MTUS1: variants seen among roughly 807,000 people sequenced by gnomAD.
The protein encoded by MTUS1 is microtubule associated scaffold protein 1, also known as microtubule-associated tumor suppressor 1.
MTUS1 carries 109 observed loss-of-function variants against 120.8 expected under a neutral mutation model. The observed-to-expected ratio is 0.90, with a 90% CI of 0.77 to 1.06. The LOEUF (loss-of-function observed/expected upper bound fraction) is 1.06, where lower values mean the gene tolerates loss of function less well. Among genes scored for constraint, MTUS1 ranks in the 50% least tolerant of loss-of-function variants. The probability of loss-of-function intolerance (pLI) is 0.00; values close to 1 mark genes in which losing one functional copy is unlikely to be tolerated. For missense variants in MTUS1, 2,210 were observed against 1,486.3 expected (o/e 1.49, Z -8.01); for synonymous variants, 737 against 550.5 (o/e 1.34, Z -4.74).
At position 17,676,097 on chromosome 8, in the gene MTUS1, AG is replaced by A. The variant is rs142980809; in HGVS notation, c.2839-846del. ...AAGCTCGCTGAAAAATGCCCTCACG[AG>A]GATCACCCAAGACGGAGCTCCCACC... On this transcript the variant is annotated intron_variant, in intron 7 of 14. Coordinates refer to ENST00000693296, the MANE Select transcript of MTUS1 (RefSeq NM_001363059.2). The A allele has an allele frequency of 7.4e-3, 4,330 of 582,424 alleles. 142 individuals are homozygous for A. Among genetic ancestry groups the A allele is most frequent in the African/African-American group, 0.07 (3,739 of 53,596 alleles). 36.1% of individuals were successfully genotyped at this position (582,424 alleles called of 1,614,324 possible).
At chr8:17,669,775 G>A (rs2130570239) in intron 8 of MTUS1, among the ~76,000 whole-genome samples, 1 of 152,268 alleles carries the variant, frequency 6.6e-6, no homozygotes, top group Middle Eastern at 3.4e-3. Context: ...AATCCAGGAG[G>A]TGGAGGTTGC....
intron 5 of MTUS1, 113 bp downstream of exon 5, chr8:17,715,654 T>C (rs1739659361): frequency 2.7e-6 from 3 of 1,094,510 alleles, no homozygotes; most frequent in East Asian, 2.5e-5. Context: ...TCTCAACATA[T>C]TTGTAATCAT....
At position 17,795,038 on chromosome 8, in the gene MTUS1, A is replaced by G. The variant is rs540780372; in HGVS notation, c.-155+6023T>C. On this transcript the variant is annotated intron_variant, in intron 1 of 14. Transcript: ENST00000693296. ...GAACACTGCTGAATACCTCCTATGA[A>G]CTGCTTATCTGAAATAAGGTGAAGA... 2.5e-4 allele frequency among the ~76,000 whole-genome samples: 38 copies of G among 152,346 alleles called. No individual in the cohort carries two copies. The South Asian group carries it at 7.3e-3, about 29-fold the overall frequency.
intron 12 of MTUS1, among the ~76,000 whole-genome samples, chr8:17,652,324 A>C (rs1807181324): frequency 6.6e-6 from 1 of 152,264 alleles, no homozygotes; most frequent in Non-Finnish European, 1.5e-5. Context: ...GAAATGAAAT[A>C]CTAACATAGG....
intron 3 of MTUS1, among the ~76,000 whole-genome samples, chr8:17,726,725 C>G (rs2046252848): frequency 6.6e-6 from 1 of 152,146 alleles, no homozygotes; most frequent in South Asian, 2.1e-4. Context: ...ACCAGTTTTA[C>G]TTGCTTTAGG....
In MTUS1 at chr8:17,754,959, T is replaced by G. The variant is rs751433659; in HGVS notation, c.849A>C (p.Leu283=). The change falls in exon 2 of 15, where the codon CTA becomes CTC. Residue 283 remains leucine (L), a synonymous_variant. Transcript: ENST00000693296. ...GTGCTTGTGTCTCCTTTTCTCCAAC[T>G]AGTCTTTGTTGTGATCCATCTGTGT... The part of the protein sequence containing the change: ...SEYTDGSQQR[L]VGEKETQALT... The G allele has an allele frequency of 6.2e-7, 1 of 1,614,100 alleles. No homozygotes were observed. The highest frequency in any genetic ancestry group is 2.2e-5 in the East Asian group (1 of 44,862).
chr8:17,708,667 C>T (rs1288459202), intron 6 of MTUS1: 2 of 152,136 alleles, frequency 1.3e-5, no homozygotes, highest in Non-Finnish European at 2.9e-5. Context: ...TTAGGATGTA[C>T]CAGAAACTTA....
At chr8:17,667,053 G>A (rs997457850) in intron 8 of MTUS1, among the ~76,000 whole-genome samples, 2 of 152,196 alleles carry the variant, frequency 1.3e-5, no homozygotes, top group Non-Finnish European at 2.9e-5. Flanking sequence ...TGAGAGACTG[G>A]AGTTAGGACA....
intron 3 of MTUS1, among the ~76,000 whole-genome samples, chr8:17,734,982 T>C (rs975992233): frequency 1.3e-5 from 2 of 152,108 alleles, no homozygotes; most frequent in African/African-American, 4.8e-5. Flanking sequence ...GGTGCAATCA[T>C]AGCTCACTGT....
At position 17,711,217 on chromosome 8, in the gene MTUS1, C is replaced by A. The variant is rs528793956; in HGVS notation, c.2623+1997G>T. On this transcript the variant is annotated intron_variant, in intron 6 of 14. Transcript: ENST00000693296. ...ACAGCTTGTCATCTGAAGCCAGGCA[C>A]TGACTTCTCCTGTTTACCTGTGCAA... 7.9e-5 allele frequency among the ~76,000 whole-genome samples: 12 copies of A among 152,340 alleles called. No individual in the cohort carries two copies. The East Asian group carries it at 2.3e-3, about 29-fold the overall frequency.
intron 6 of MTUS1, chr8:17,691,496 A>C (rs555793209): frequency 6.6e-6 from 1 of 152,344 alleles, no homozygotes; most frequent in South Asian, 2.1e-4. Context: ...TTCTTAGCAA[A>C]TGCTTGTCTA....
At chr8:17,793,935 T>C (rs2052006352) in intron 1 of MTUS1, among the ~76,000 whole-genome samples, 1 of 152,214 alleles carries the variant, frequency 6.6e-6, no homozygotes, top group South Asian at 2.1e-4. Context: ...GATTGGGGTT[T>C]CTCTGACTCC....
Position 17,644,756 on chromosome 8 carries a change from C to G in MTUS1, c.*1170G>C, listed in dbSNP as rs1020572660. On this transcript the variant is annotated 3_prime_UTR_variant, in exon 15 of 15. Transcript: ENST00000693296. Reference sequence around the variant, plus strand: ...GACTTCCTTGTTCTCGTTCTTTATTCTAAGATTTCCCAAAATTTGTAATAT... The same window carrying G: ...GACTTCCTTGTTCTCGTTCTTTATTGTAAGATTTCCCAAAATTTGTAATAT... 1 of 152,176 alleles carries G rather than the reference C, an allele frequency of 6.6e-6. No homozygotes were observed. The highest frequency in any genetic ancestry group is 2.4e-5 in the African/African-American group (1 of 41,452). The allele number at this position is 152,176 out of a possible 1,614,324, so 9.4% of individuals were successfully genotyped here. A position where few individuals can be genotyped will look rare whatever the true frequency, so the allele number is the denominator to read the frequency against.
intron 6 of MTUS1, among the ~76,000 whole-genome samples, chr8:17,694,235 C>T (rs1445458804): frequency 6.6e-6 from 1 of 152,180 alleles, no homozygotes; most frequent in Non-Finnish European, 1.5e-5. Context: ...CCAGGAAGAG[C>T]AGTTTCAATG....
intron 13 of MTUS1, among the ~76,000 whole-genome samples, chr8:17,649,582 C>A (rs942905644): frequency 6.6e-6 from 1 of 152,156 alleles, no homozygotes; most frequent in Non-Finnish European, 1.5e-5. Context: ...CAAAATACCA[C>A]TGAAATATAA....
chr8:17,719,969 C>G (rs2045697433), intron 4 of MTUS1, among the ~76,000 whole-genome samples: 1 of 152,052 alleles, frequency 6.6e-6, no homozygotes, highest in Non-Finnish European at 1.5e-5. Context: ...CCAGTCCTCC[C>G]TTGTCATTGA....
intron 8 of MTUS1, among the ~76,000 whole-genome samples, chr8:17,664,955 G>C (rs1206873012): frequency 1.3e-5 from 2 of 152,260 alleles, no homozygotes; most frequent in South Asian, 4.2e-4. Flanking sequence ...CCACAAATAG[G>C]CATGTCCAGT....
chr8:17,702,317 T>C (rs1359346675), intron 6 of MTUS1, among the ~76,000 whole-genome samples: 1 of 152,254 alleles, frequency 6.6e-6, no homozygotes, highest in African/African-American at 2.4e-5. Flanking sequence ...ACATTTTTCA[T>C]ATATTCCTTA....
intron 8 of MTUS1, among the ~76,000 whole-genome samples, chr8:17,660,375 A>C (rs144322334): frequency 7.9e-4 from 120 of 152,282 alleles, no homozygotes; most frequent in African/African-American, 2.7e-3. Flanking sequence ...TCCGTGTCAA[A>C]TAATAATAAT....
Sources: allele counts gnomAD v4.1 joint callset (sites outside exome capture counted in the v4.1 genomes callset), GRCh38; gene constraint gnomAD v4.1.1; transcripts MANE v1.5; gene names NCBI Gene and HGNC (gene_info 2026-07-23, HGNC 2026-07-21).